Variants in ABHD12 observed in about 807,000 individuals in gnomAD.
The protein encoded by ABHD12 is abhydrolase domain containing 12, lysophospholipase.
ABHD12 carries 43 observed loss-of-function variants against 58.3 expected under a neutral mutation model. The ratio of observed to expected loss-of-function variants is 0.74; its 90% CI spans 0.58 to 0.95. The LOEUF is 0.95. ABHD12 is among the 40% of genes least tolerant of loss of function. The pLI is 0.00. For synonymous variants in ABHD12, 219 were observed against 211.2 expected (o/e 1.04, Z -0.32); for missense variants, 539 against 537.2 (o/e 1.00, Z -0.03).
At chr20:25,346,453 T>G (rs1478930333) in intron 1 of ABHD12, among the ~76,000 whole-genome samples, 1 of 152,186 alleles carries the variant, frequency 6.6e-6, no homozygotes, top group East Asian at 1.9e-4. Flanking sequence ...TGAACCCTAC[T>G]TAATGCAAAC....
At chr20:25,383,911 C>T (rs1224738194) in intron 1 of ABHD12, among the ~76,000 whole-genome samples, 1 of 147,568 alleles carries the variant, frequency 6.8e-6, no homozygotes, top group Non-Finnish European at 1.5e-5. Context: ...GCCGAGATCA[C>T]GCCACTGCCC....
downstream of ABHD12, among the ~76,000 whole-genome samples, chr20:25,298,263 AG>A (rs1215432666): frequency 2.5e-5 from 3 of 121,588 alleles, no homozygotes; most frequent in African/African-American, 5.6e-5. Context: ...CTGAACGGCT[AG>A]TTTTGTTTTT....
chr20:25,368,950 C>T (rs549537247), intron 1 of ABHD12, among the ~76,000 whole-genome samples: 1 of 152,188 alleles, frequency 6.6e-6, no homozygotes, highest in East Asian at 1.9e-4. Context: ...TATTTAGACC[C>T]TCTTTCTATC....
rs2089041274 is a variant in ABHD12 at position 25,320,240 on chromosome 20, G to C, written c.501C>G (p.Ser167Arg). 6.2e-7 allele frequency: 1 copy of C among 1,613,998 alleles called. No individual in the cohort carries two copies. The highest frequency in any genetic ancestry group is 1.1e-5 in the South Asian group (1 of 91,084). ...QMWYEDALAS[S>R]HPIILYLHGN... is the part of the protein sequence containing the mutation. Reference sequence around the variant, plus strand: ...CATGCAGGTACAGAATGATAGGGTGGCTGGAAGCCAAGGCATCCTCATACC... The same window carrying C: ...CATGCAGGTACAGAATGATAGGGTGCCTGGAAGCCAAGGCATCCTCATACC... Residue 167 changes from serine (S) to arginine (R), a missense_variant, in exon 4 of 13, where the codon AGC (serine) becomes AGG (arginine). Transcript: ENST00000339157.
At chr20:25,295,121 A>AT in intron 12 of ABHD12, 2 of 1,355,240 alleles carry the variant, frequency 1.5e-6, no homozygotes, top group Non-Finnish European at 2.1e-6. Context: ...GCATTTGTAG[A>AT]TTCATAAATC....
chr20:25,363,483 C>T (rs544105079), intron 1 of ABHD12, among the ~76,000 whole-genome samples: 1 of 152,088 alleles, frequency 6.6e-6, no homozygotes, highest in South Asian at 2.1e-4. Context: ...TCCCAAAGTG[C>T]TGGGAGAGCA....
intron 1 of ABHD12, among the ~76,000 whole-genome samples, chr20:25,388,260 G>A (rs1407301090): frequency 6.6e-6 from 1 of 152,116 alleles, no homozygotes; most frequent in Non-Finnish European, 1.5e-5. Context: ...CAAACGAGCC[G>A]GCTCTGTGGC....
At chr20:25,308,534 A>G in intron 7 of ABHD12, 40 bp from the exon 8 acceptor site, 2 of 1,587,556 alleles carry the variant, frequency 1.3e-6, no homozygotes, top group Middle Eastern at 1.7e-4. Flanking sequence ...GTTATGATAA[A>G]ATTGTTTGAG....
chr20:25,381,806 C>T (rs760335604), intron 1 of ABHD12, among the ~76,000 whole-genome samples: 1 of 152,014 alleles, frequency 6.6e-6, no homozygotes, highest in Non-Finnish European at 1.5e-5. Context: ...TACAGGTGCT[C>T]ACAACCTCAC....
downstream of ABHD12, among the ~76,000 whole-genome samples, chr20:25,298,579 T>TATC (rs1555809647): frequency 6.6e-6 from 1 of 152,194 alleles, no homozygotes; most frequent in Non-Finnish European, 1.5e-5. Context: ...CTAAAAATTC[T>TATC]ATCAATCAAT....
At chr20:25,303,970 T>C (rs2088688490) in intron 10 of ABHD12, among the ~76,000 whole-genome samples, 1 of 152,230 alleles carries the variant, frequency 6.6e-6, no homozygotes, top group Non-Finnish European at 1.5e-5. Context: ...AGGAATCTGT[T>C]GGTAAAAAAA....
intron 1 of ABHD12, among the ~76,000 whole-genome samples, chr20:25,369,726 G>C (rs1453849467): frequency 1.3e-5 from 2 of 152,134 alleles, no homozygotes; most frequent in Non-Finnish European, 2.9e-5. Context: ...AACACATTAA[G>C]TAAGCTATTT....
chr20:25,352,047 A>T (rs2089607291), intron 1 of ABHD12, among the ~76,000 whole-genome samples: 1 of 152,114 alleles, frequency 6.6e-6, no homozygotes, highest in South Asian at 2.1e-4. Context: ...GCTGGAGTGC[A>T]ATGGCATGAT....
chr20:25,341,919 T>A (rs1266424861), intron 1 of ABHD12, among the ~76,000 whole-genome samples: 1 of 152,050 alleles, frequency 6.6e-6, no homozygotes, highest in Non-Finnish European at 1.5e-5. Flanking sequence ...TGCAGTTACT[T>A]CTGTGTCCCT....
In ABHD12 at chr20:25,387,589, T is replaced by TAAAAAAAAAAAAAAA. The variant is rs779293077; in HGVS notation, c.191+2923_191+2924insTTTTTTTTTTTTTTT. The stretch of plus-strand genomic sequence containing the variant: ...GCAACATAGTGAGACTTCATCTCTA[T>TAAAAAAAAAAAAAAA]TAAAAAAAAAAAAAAAAAATTAACC... On this transcript the variant is annotated intron_variant, in intron 1 of 12. Coordinates refer to ENST00000339157, the MANE Select transcript of ABHD12 (RefSeq NM_001042472.3). Among the ~76,000 whole-genome samples the TAAAAAAAAAAAAAAA allele has an allele frequency of 5.4e-4, 46 of 85,248 alleles. 10 individuals carry two copies. Among genetic ancestry groups the TAAAAAAAAAAAAAAA allele is most frequent in the African/African-American group, 2.1e-3 (43 of 20,450 alleles). The allele number at this position is 85,248 out of a possible 152,430, so 55.9% of individuals were successfully genotyped here. A position where few individuals can be genotyped will look rare whatever the true frequency, so the allele number is the denominator to read the frequency against.
chr20:25,296,055 G>T (rs1395283911), downstream of ABHD12, among the ~76,000 whole-genome samples: 1 of 152,164 alleles, frequency 6.6e-6, no homozygotes, highest in East Asian at 1.9e-4. Flanking sequence ...CATGTCCCCT[G>T]GCACTGGATC....
chr20:25,371,306 C>G (rs2089897259), intron 1 of ABHD12, among the ~76,000 whole-genome samples: 1 of 152,194 alleles, frequency 6.6e-6, no homozygotes, highest in Non-Finnish European at 1.5e-5. Flanking sequence ...TAGCCCTGCA[C>G]TGGATTTCAC....
At chr20:25,336,660 T>A (rs141557453) in intron 2 of ABHD12, among the ~76,000 whole-genome samples, 1 of 152,164 alleles carries the variant, frequency 6.6e-6, no homozygotes, top group African/African-American at 2.4e-5. Context: ...CCTGTAAACC[T>A]TGGACGCACA....
chr20:25,370,652 G>C (rs944264567), intron 1 of ABHD12, among the ~76,000 whole-genome samples: 19 of 152,078 alleles, frequency 1.2e-4, no homozygotes, highest in Non-Finnish European at 2.1e-4. Context: ...CACTTGGATG[G>C]GTGTGCGACC....
Sources: allele counts gnomAD v4.1 joint callset (sites outside exome capture counted in the v4.1 genomes callset), GRCh38; gene constraint gnomAD v4.1.1; transcripts MANE v1.5; gene names NCBI Gene and HGNC (gene_info 2026-07-23, HGNC 2026-07-21).